PLAT: variants seen among roughly 807,000 people sequenced by gnomAD.
The protein encoded by PLAT is plasminogen activator, tissue type.
PLAT carries 48 observed loss-of-function variants against 74.9 expected under a neutral mutation model. That is an observed-to-expected ratio of 0.64 (90% CI 0.51 to 0.82). The LOEUF is 0.82. Among genes scored for constraint, PLAT ranks in the 40% least tolerant of loss-of-function variants. The pLI, the probability that PLAT is intolerant of heterozygous loss-of-function variation, is 0.00. For missense variants in PLAT, 673 were observed against 736.2 expected, an observed-to-expected ratio of 0.91 and a Z score of 0.99; for synonymous variants, 307 against 294.4, an observed-to-expected ratio of 1.04 and a Z score of -0.44.
chr8:42,200,969 A>G (rs990449458), intron 1 of PLAT, among the ~76,000 whole-genome samples: 1 of 152,044 alleles, frequency 6.6e-6, no homozygotes, highest in African/African-American at 2.4e-5. Flanking sequence ...AGCTCGGATT[A>G]CAAGTGTGTG....
Position 42,180,308 on chromosome 8 carries a change from TCTG to T in PLAT, c.1153_1155del (p.Gln385del), listed in dbSNP as rs1344889249. On this transcript the variant is annotated inframe_deletion, in exon 11 of 14. Transcript: ENST00000220809. ...ACAATGTATTTTTCGACTTCAAATT[TCTG>T]CTCCTCCTCGCCAGGGACCACCCGG... 1 of 1,614,228 alleles carries T rather than the reference TCTG, an allele frequency of 6.2e-7. No homozygotes were observed. Among genetic ancestry groups the T allele is most frequent in the South Asian group, 1.1e-5 (1 of 91,090 alleles).
At chr8:42,199,792 G>T (rs1806057534) in intron 1 of PLAT, among the ~76,000 whole-genome samples, 1 of 152,198 alleles carries the variant, frequency 6.6e-6, no homozygotes, top group Admixed American at 6.5e-5. Flanking sequence ...ATCAGTCAGT[G>T]CAATAAAATG....
intron 13 of PLAT, among the ~76,000 whole-genome samples, chr8:42,178,398 G>C (rs541511366): frequency 1.3e-5 from 2 of 151,720 alleles, no homozygotes; most frequent in African/African-American, 4.8e-5. Flanking sequence ...AGCCTCCTGA[G>C]TAGCTGGGAT....
chr8:42,203,776 G>A (rs1806220905), intron 1 of PLAT, among the ~76,000 whole-genome samples: 1 of 151,910 alleles, frequency 6.6e-6, no homozygotes, highest in Non-Finnish European at 1.5e-5. Flanking sequence ...ACTAGCCTGG[G>A]CAACAAAGCA....
At position 42,187,320 on chromosome 8, in the gene PLAT, T is replaced by C; in HGVS notation, c.539+78A>G. On this transcript the variant is annotated intron_variant, in intron 6 of 13. Transcript: ENST00000220809. ...TTGGTTATGTTTCTTGGGAGAACCC[T>C]GACGGATCTGACAGAATCTTTCCCC... The C allele has an allele frequency of 4.6e-6, 6 of 1,315,192 alleles. No individual in the cohort carries two copies. In the South Asian group the frequency reaches 7.2e-5, roughly 16 times the overall value. The allele number at this position is 1,315,192 out of a possible 1,614,324, so 81.5% of individuals were successfully genotyped here.
Position 42,193,164 on chromosome 8 carries a change from G to A in PLAT, c.22C>T (p.Leu8Phe), listed in dbSNP as rs1805751356. The change falls in exon 2 of 14, where the codon CTC (leucine) becomes TTC (phenylalanine). Residue 8 changes from leucine (L) to phenylalanine (F), a missense_variant. By Grantham distance (22) the Leu-to-Phe change is conservative. Coordinates refer to ENST00000220809, the MANE Select transcript of PLAT (RefSeq NM_000930.5). The stretch of plus-strand genomic sequence containing the variant: ...CCACACAGCAGCAGCACACAGCAGA[G>A]CCCTCTCTTCATTGCATCCATGATT... MDAMKRG[L>F]CCVLLLCGAV... 1.2e-6 allele frequency: 2 copies of A among 1,613,782 alleles called. No individual in the cohort carries two copies. Among genetic ancestry groups the A allele is most frequent in the East Asian group, 2.2e-5 (1 of 44,898 alleles).
intron 6 of PLAT, chr8:42,187,135 G>C (rs954655643): frequency 1.9e-5 from 7 of 375,766 alleles, no homozygotes; most frequent in Middle Eastern, 6.7e-4. Flanking sequence ...CCTATCATCT[G>C]TCTATCTGTC....
At chr8:42,199,467 C>T (rs1313538753) in intron 1 of PLAT, among the ~76,000 whole-genome samples, 1 of 152,154 alleles carries the variant, frequency 6.6e-6, no homozygotes, top group Non-Finnish European at 1.5e-5. Context: ...ATTTTCCTGG[C>T]AGACCCTGCC....
intron 2 of PLAT, among the ~76,000 whole-genome samples, chr8:42,192,431 A>G (rs1032310457): frequency 9.9e-5 from 15 of 152,188 alleles, no homozygotes; most frequent in African/African-American, 3.6e-4. Context: ...CTGTAACCCC[A>G]GAGTTTTGGG....
intron 1 of PLAT, among the ~76,000 whole-genome samples, chr8:42,195,290 CCGG>C (rs1332336438): frequency 6.6e-6 from 1 of 152,210 alleles, no homozygotes; most frequent in African/African-American, 2.4e-5. Context: ...CAGATTCTCC[CCGG>C]GCTCCTGTGT....
chr8:42,199,054 G>C (rs1262339399), intron 1 of PLAT, among the ~76,000 whole-genome samples: 1 of 152,218 alleles, frequency 6.6e-6, no homozygotes, highest in African/African-American at 2.4e-5. Flanking sequence ...CCCTTTGTTC[G>C]GGACAGGAGC....
chr8:42,207,378 C>T (rs1392860076), intron 1 of PLAT, 116 bp downstream of exon 1: 2 of 152,246 alleles, frequency 1.3e-5, no homozygotes, highest in African/African-American at 2.4e-5. Flanking sequence ...CTCTAGTTGC[C>T]TGAATTACAA....
chr8:42,195,090 CACA>C (rs1464205513), intron 1 of PLAT, among the ~76,000 whole-genome samples: 7 of 152,262 alleles, frequency 4.6e-5, no homozygotes, highest in African/African-American at 7.2e-5. Flanking sequence ...TCCCTTCGGT[CACA>C]ACAACTTCAG....
Position 42,179,910 on chromosome 8 carries a change from ACTTC to A in PLAT, c.1363+12_1363+15del, listed in dbSNP as rs976772862. 3 of 1,565,640 alleles carry A rather than the reference ACTTC, an allele frequency of 1.9e-6. No homozygotes were observed. The highest frequency in any genetic ancestry group is 1.2e-5 in the South Asian group (1 of 84,802). ...GTCCCGCAGACAGGATGGGGCCGAG[ACTTC>A]CTTCCACTTACAGGCCTCATGCTTG... On this transcript the variant is annotated intron_variant, in intron 12 of 13. Transcript: ENST00000220809.
intron 1 of PLAT, among the ~76,000 whole-genome samples, chr8:42,203,992 T>TATATATATATATATATATATACACACAC (rs1554499838): frequency 9.1e-6 from 1 of 109,862 alleles, no homozygotes; most frequent in African/African-American, 5.2e-5. Flanking sequence ...TATATATATA[T>TATATATATATATATATATATACACACAC]ACACACACAC....
At position 42,180,589 on chromosome 8, in the gene PLAT, A is replaced by G; in HGVS notation, c.986T>C (p.Phe329Ser). The change falls in exon 10 of 14, where the codon TTT becomes TCT. Residue 329 changes from phenylalanine to serine, a missense_variant. Transcript: ENST00000220809. ...IASHPWQAAI[F>S]AKHRRSPGER... The stretch of plus-strand genomic sequence containing the variant: ...TCCGGGCGACCTCCTGTGCTTGGCA[A>G]AGATGGCAGCCTGCCAGGGGTGGGA... The G allele has an allele frequency of 6.2e-7, 1 of 1,613,642 alleles. No individual in the cohort carries two copies. The highest frequency in any genetic ancestry group is 8.5e-7 in the Non-Finnish European group (1 of 1,179,720).
At position 42,182,761 on chromosome 8, in the gene PLAT, G is replaced by T. The variant is rs747985978; in HGVS notation, c.761C>A (p.Pro254His). Residue 254 changes from proline to histidine, a missense_variant, in exon 8 of 14, where the codon CCC becomes CAC. By Grantham distance (77) the Pro-to-His change is moderately conservative (BLOSUM62 -2). Coordinates refer to ENST00000220809, the MANE Select transcript of PLAT (RefSeq NM_000930.5). ...GCCCAGGCCCAGTGCCTGGGCACTG[G>T]GGTTCTGTGCTGTGTAAACCTTGCC... Reference protein sequence around the residue: ...LIGKVYTAQNPSAQALGLGKH... With the variant: ...LIGKVYTAQNHSAQALGLGKH... 6.2e-7 allele frequency: 1 copy of T among 1,612,732 alleles called. No individual in the cohort carries two copies. The highest frequency in any genetic ancestry group is 8.5e-7 in the Non-Finnish European group (1 of 1,179,460).
Position 42,175,774 on chromosome 8 carries a change from C to T in PLAT, c.*219G>A, listed in dbSNP as rs1167082556. On this transcript the variant is annotated 3_prime_UTR_variant, in exon 14 of 14. Coordinates refer to ENST00000220809, the MANE Select transcript of PLAT (RefSeq NM_000930.5). ...AGGCTAGTGTGCATTCATGTCTTCC[C>T]ATCTGACAGAGTATCCTGAAATCAG... 1.9e-6 allele frequency: 1 copy of T among 513,752 alleles called. No individual in the cohort carries two copies. Among genetic ancestry groups the T allele is most frequent in the East Asian group, 3.1e-5 (1 of 31,958 alleles). The allele number at this position is 513,752 out of a possible 1,614,324, so 31.8% of individuals were successfully genotyped here.
intron 1 of PLAT, among the ~76,000 whole-genome samples, chr8:42,200,954 C>A (rs1357445440): frequency 6.6e-6 from 1 of 152,148 alleles, no homozygotes; most frequent in Non-Finnish European, 1.5e-5. Context: ...TTCAGCCTCC[C>A]GAGTAGCTCG....
Sources: allele counts gnomAD v4.1 joint callset (sites outside exome capture counted in the v4.1 genomes callset), GRCh38; gene constraint gnomAD v4.1.1; transcripts MANE v1.5; gene names NCBI Gene and HGNC (gene_info 2026-07-23, HGNC 2026-07-21).